Variants in CAPN13 observed in about 807,000 individuals in gnomAD.
CAPN13 encodes calpain 13.
In CAPN13, 90 loss-of-function variants were observed where a neutral mutation model predicts 98.4. The ratio of observed to expected loss-of-function variants is 0.92; its 90% CI spans 0.77 to 1.09. The LOEUF is 1.09. Among genes scored for constraint, CAPN13 ranks in the 50% least tolerant of loss-of-function variants. The pLI is 0.00. For synonymous variants in CAPN13, 330 were observed against 305.5 expected (o/e 1.08, Z -0.84); for missense variants, 887 against 841.3 (o/e 1.05, Z -0.67).
Position 30,730,775 on chromosome 2 carries a change from CAGGCTCATCCACTGAAAAATA to C in CAPN13, c.1984-10_1994del, listed in dbSNP as rs1363244546. ...CCTCTTTGCTTCAGTTGTACATGAC[CAGGCTCATCCACTGAAAAATA>C]AGCATCATCATTACAACAATTCTTT... On this transcript the variant is annotated splice_acceptor_variant and splice_polypyrimidine_tract_variant and coding_sequence_variant and intron_variant, in exon 22 of 23. Transcript: ENST00000295055. LOFTEE classifies it high-confidence loss of function. The C allele has an allele frequency of 1.3e-6, 1 of 780,878 alleles. No individual in the cohort carries two copies. Among genetic ancestry groups the C allele is most frequent in the Non-Finnish European group, 2.4e-6 (1 of 417,968 alleles). The allele number at this position is 780,878 out of a possible 1,614,324, so 48.4% of individuals were successfully genotyped here. A position where few individuals can be genotyped will look rare whatever the true frequency, so the allele number is the denominator to read the frequency against.
At chr2:30,797,145 C>T (rs1558348414) in intron 1 of CAPN13, among the ~76,000 whole-genome samples, 2 of 152,106 alleles carry the variant, frequency 1.3e-5, no homozygotes, top group African/African-American at 2.4e-5. Context: ...GACAGAAGGC[C>T]GACTGAGGGG....
intron 2 of CAPN13, among the ~76,000 whole-genome samples, chr2:30,782,500 C>A (rs926026254): frequency 6.6e-6 from 1 of 152,222 alleles, no homozygotes; most frequent in Non-Finnish European, 1.5e-5. Flanking sequence ...ACCTAACCTG[C>A]ACTTACAACT....
At chr2:30,802,622 C>T (rs1017800935) in intron 1 of CAPN13, among the ~76,000 whole-genome samples, 2 of 151,008 alleles carry the variant, frequency 1.3e-5, no homozygotes, top group Non-Finnish European at 2.9e-5. Flanking sequence ...CCCTAAGAAA[C>T]GGGGAGAGCC....
intron 1 of CAPN13, among the ~76,000 whole-genome samples, chr2:30,791,887 TTC>T (rs1674625081): frequency 6.6e-6 from 1 of 152,336 alleles, no homozygotes; most frequent in African/African-American, 2.4e-5. Context: ...CTGCTTGTAT[TTC>T]TCTCTCTCAG....
At chr2:30,730,368 C>T (rs1237369549) in intron 22 of CAPN13, among the ~76,000 whole-genome samples, 2 of 152,088 alleles carry the variant, frequency 1.3e-5, no homozygotes. Context: ...TCCCTAAGGC[C>T]TGACCATTTC....
At position 30,741,916 on chromosome 2, in the gene CAPN13, C is replaced by G. The variant is rs371046550; in HGVS notation, c.1528G>C (p.Ala510Pro). The change falls in exon 15 of 23, where the codon GCT becomes CCT. Residue 510 changes from alanine (A) to proline (P), a missense_variant. Physicochemically the swap from Ala to Pro is conservative, Grantham distance 27 (BLOSUM62 -1). Transcript: ENST00000295055. ...GGTGCTAGGTACCATACCTGCTGAG[C>G]ATATCTGTTGAAAATGCTTTGTTGG... The part of the protein sequence containing the change: ...GSQQSIFNRY[A>P]QQRLDIDATQ... 23 of 1,613,838 alleles carry G rather than the reference C, an allele frequency of 1.4e-5. No homozygotes were observed. In the African/African-American group the frequency reaches 2.8e-4, roughly 20 times the overall value.
At chr2:30,789,602 G>C (rs1674500989) in intron 1 of CAPN13, among the ~76,000 whole-genome samples, 2 of 152,154 alleles carry the variant, frequency 1.3e-5, no homozygotes. Context: ...CAGACTTTAG[G>C]AATTCCCATT....
intron 5 of CAPN13, among the ~76,000 whole-genome samples, chr2:30,767,580 G>A (rs1416257784): frequency 6.6e-6 from 1 of 152,200 alleles, no homozygotes; most frequent in African/African-American, 2.4e-5. Context: ...GATAATGGCA[G>A]TGTTTTCGTA....
intron 18 of CAPN13, among the ~76,000 whole-genome samples, chr2:30,735,621 G>T (rs1030849845): frequency 1.3e-5 from 2 of 152,186 alleles, no homozygotes; most frequent in South Asian, 4.1e-4. Flanking sequence ...CAGGGGAGTG[G>T]ACATGCCAGC....
intron 4 of CAPN13, among the ~76,000 whole-genome samples, chr2:30,773,764 C>T (rs1673531894): frequency 6.6e-6 from 1 of 152,168 alleles, no homozygotes; most frequent in Non-Finnish European, 1.5e-5. Flanking sequence ...GGAACTTCTC[C>T]TCTTTATGAT....
At chr2:30,805,967 A>G (rs1422551842) in intron 1 of CAPN13, among the ~76,000 whole-genome samples, 1 of 151,902 alleles carries the variant, frequency 6.6e-6, no homozygotes, top group African/African-American at 2.4e-5. Flanking sequence ...TTTTGTAGAG[A>G]CAGGGTTTCA....
At chr2:30,805,032 C>A (rs1675528350) in intron 1 of CAPN13, among the ~76,000 whole-genome samples, 1 of 152,164 alleles carries the variant, frequency 6.6e-6, no homozygotes, top group Admixed American at 6.5e-5. Flanking sequence ...TTTACTCCAG[C>A]CAAGGAAGTG....
At chr2:30,753,282 C>A (rs1672273137) in intron 9 of CAPN13, 84 bp from the exon 10 acceptor site, 12 of 1,413,888 alleles carry the variant, frequency 8.5e-6, no homozygotes, top group Non-Finnish European at 1.2e-5. Context: ...AGCATAGCCA[C>A]TGTCCTGCCC....
chr2:30,741,735 C>T (rs1025876017), intron 15 of CAPN13, 173 bp downstream of exon 15: 18 of 1,462,482 alleles, frequency 1.2e-5, no homozygotes, highest in East Asian at 5.0e-5. Flanking sequence ...ACGTCTCTAC[C>T]GAGCTTGGCA....
At chr2:30,752,085 A>G (rs1025991015) in intron 10 of CAPN13, among the ~76,000 whole-genome samples, 1 of 152,200 alleles carries the variant, frequency 6.6e-6, no homozygotes, top group Non-Finnish European at 1.5e-5. Context: ...GCTGCCCAAG[A>G]GTGACTCAAC....
intron 1 of CAPN13, among the ~76,000 whole-genome samples, chr2:30,806,510 C>G (rs1415901155): frequency 2.0e-5 from 3 of 152,138 alleles, no homozygotes; most frequent in African/African-American, 7.2e-5. Context: ...TAGTTAATGC[C>G]ACTCGGGGGT....
chr2:30,795,842 G>T (rs1333866078), intron 1 of CAPN13, among the ~76,000 whole-genome samples: 1 of 151,852 alleles, frequency 6.6e-6, no homozygotes, highest in African/African-American at 2.4e-5. Flanking sequence ...TTTAATGTAA[G>T]AAACTTTGTA....
At chr2:30,723,853 T>A (rs1398472542) in intron 22 of CAPN13, among the ~76,000 whole-genome samples, 1 of 140,554 alleles carries the variant, frequency 7.1e-6, no homozygotes, top group Non-Finnish European at 1.5e-5. Flanking sequence ...GTTTGCCTAT[T>A]TTTTTTTCCA....
At chr2:30,768,490 A>T (rs1464852842) in intron 5 of CAPN13, among the ~76,000 whole-genome samples, 3 of 152,196 alleles carry the variant, frequency 2.0e-5, no homozygotes, top group Non-Finnish European at 2.9e-5. Context: ...CAGCAGCTGC[A>T]GCCAAACCAA....
Sources: gnomAD v4.1 joint callset for allele counts (sites outside exome capture counted in the v4.1 genomes callset) on GRCh38, gnomAD v4.1.1 for gene constraint, MANE v1.5 for transcripts, NCBI Gene and HGNC (gene_info 2026-07-23, HGNC 2026-07-21) for gene names.